Variants in CAMTA1 observed in about 807,000 individuals in gnomAD.
CAMTA1 encodes the protein calmodulin-binding transcription activator 1.
CAMTA1 carries 27 observed loss-of-function variants against 170.9 expected under a neutral mutation model. The observed-to-expected ratio is 0.16, with a 90% CI of 0.12 to 0.22. The LOEUF is 0.22. Among genes scored for constraint, CAMTA1 ranks in the 10% least tolerant of loss-of-function variants. The pLI, the probability that CAMTA1 is intolerant of heterozygous loss-of-function variation, is 1.00. For missense variants in CAMTA1, 1,619 were observed against 2,217.2 expected (o/e 0.73, Z 5.42); for synonymous variants, 833 against 891.5 (o/e 0.93, Z 1.17).
chr1:6,855,038 G>A (rs1166978336), intron 3 of CAMTA1, among the ~76,000 whole-genome samples: 2 of 152,244 alleles, frequency 1.3e-5, no homozygotes, highest in South Asian at 2.1e-4. Context: ...ATAGTACAGG[G>A]ATGAGAAAGG....
intron 6 of CAMTA1, among the ~76,000 whole-genome samples, chr1:7,581,620 C>G: frequency 6.6e-6 from 1 of 152,230 alleles, no homozygotes; most frequent in East Asian, 1.9e-4. Flanking sequence ...GAGGTGGGAC[C>G]GGCCAAGAGT....
chr1:6,924,808 A>G (rs1381478545), intron 3 of CAMTA1, among the ~76,000 whole-genome samples: 1 of 152,244 alleles, frequency 6.6e-6, no homozygotes, highest in Non-Finnish European at 1.5e-5. Context: ...GGAATCTAGC[A>G]CTTCGGAATT....
chr1:7,034,761 A>C (rs1372618922), intron 3 of CAMTA1, among the ~76,000 whole-genome samples: 1 of 152,114 alleles, frequency 6.6e-6, no homozygotes, highest in African/African-American at 2.4e-5. Context: ...TCACTCCCAG[A>C]TGTCTGATAT....
chr1:7,492,548 A>AACAC (rs1301505505), intron 6 of CAMTA1, among the ~76,000 whole-genome samples: 1 of 151,966 alleles, frequency 6.6e-6, no homozygotes, highest in Non-Finnish European at 1.5e-5. Flanking sequence ...TGAGGGCTTG[A>AACAC]ACACACACAC....
At chr1:7,182,732 T>G (rs1243560088) in intron 4 of CAMTA1, among the ~76,000 whole-genome samples, 2 of 152,166 alleles carry the variant, frequency 1.3e-5, no homozygotes, top group African/African-American at 4.8e-5. Context: ...TGTAAAGAGC[T>G]GTTATCATTG....
chr1:7,583,164 T>C (rs1161958093), intron 6 of CAMTA1, among the ~76,000 whole-genome samples: 1 of 151,780 alleles, frequency 6.6e-6, no homozygotes, highest in Admixed American at 6.6e-5. Flanking sequence ...CTAAAGGGGA[T>C]CCCTTCCCCA....
intron 3 of CAMTA1, among the ~76,000 whole-genome samples, chr1:6,914,675 G>A (rs921561849): frequency 3.3e-5 from 5 of 152,196 alleles, no homozygotes; most frequent in African/African-American, 1.2e-4. Flanking sequence ...CATGTACATG[G>A]TTGGGACAGA....
chr1:7,048,288 A>T (rs1432535352), intron 3 of CAMTA1, among the ~76,000 whole-genome samples: 6 of 152,184 alleles, frequency 3.9e-5, no homozygotes, highest in African/African-American at 1.2e-4. Context: ...CGTGGAAAAA[A>T]GGGGAAAAAG....
intron 5 of CAMTA1, among the ~76,000 whole-genome samples, chr1:7,413,236 C>G (rs1373534965): frequency 2.6e-5 from 4 of 152,132 alleles, no homozygotes; most frequent in Admixed American, 2.6e-4. Flanking sequence ...CTTGGTGATG[C>G]GGGCTCTTTT....
At chr1:7,705,874 C>T (rs1230952262) in intron 11 of CAMTA1, among the ~76,000 whole-genome samples, 1 of 152,186 alleles carries the variant, frequency 6.6e-6, no homozygotes, top group Non-Finnish European at 1.5e-5. Flanking sequence ...GACTGGCGAC[C>T]AGAGAGCACT....
intron 5 of CAMTA1, among the ~76,000 whole-genome samples, chr1:7,284,328 C>G (rs908408740): frequency 1.3e-5 from 2 of 151,790 alleles, no homozygotes; most frequent in Non-Finnish European, 2.9e-5. Context: ...CTCAGCCTCC[C>G]CAGTAGCTGA....
intron 5 of CAMTA1, among the ~76,000 whole-genome samples, chr1:7,406,760 G>A (rs976421765): frequency 6.6e-6 from 1 of 152,144 alleles, no homozygotes; most frequent in African/African-American, 2.4e-5. Flanking sequence ...CTACCCAGAA[G>A]CATTTGTGTC....
intron 11 of CAMTA1, among the ~76,000 whole-genome samples, chr1:7,707,506 G>A (rs1008879570): frequency 1.3e-5 from 2 of 152,074 alleles, no homozygotes; most frequent in Non-Finnish European, 2.9e-5. Context: ...CTCCTGGGTA[G>A]CTGGGACTAC....
rs964406912 is a variant in CAMTA1, at chr1:7,093,414, C to T, written c.302+2043C>T. Among the ~76,000 whole-genome samples the T allele has an allele frequency of 3.9e-5, 6 of 152,066 alleles. No individual in the cohort carries two copies. Among genetic ancestry groups the T allele is most frequent in the South Asian group, 2.1e-4 (1 of 4,820 alleles). On this transcript the variant is annotated intron_variant, in intron 4 of 22. Transcript: ENST00000303635. The surrounding 1 kb of genome is among the most constrained non-coding windows in gnomAD (Gnocchi z 4.6). ...AAGGGTGGCCCTTATCTCAAGCAGC[C>T]GCCAGCCTCTCCTTGCGCCCTTCAC...
intron 3 of CAMTA1, among the ~76,000 whole-genome samples, chr1:7,012,325 T>A (rs1699918432): frequency 6.6e-6 from 1 of 152,146 alleles, no homozygotes; most frequent in South Asian, 2.1e-4. Flanking sequence ...GAGAACTTCC[T>A]CCAGCTCCTC....
In CAMTA1 at chr1:7,746,622, G is replaced by A. The variant is rs536417378; in HGVS notation, c.4617+531G>A. On this transcript the variant is annotated intron_variant, in intron 18 of 22. Coordinates refer to ENST00000303635, the MANE Select transcript of CAMTA1 (RefSeq NM_015215.4). ...GCGGGAATGGGGCTTTTCCGGCACA[G>A]AACAATGCTGATTTTTCTTTTTCTT... Among the ~76,000 whole-genome samples the A allele has an allele frequency of 3.3e-5, 5 of 152,260 alleles. No individual in the cohort carries two copies. In the South Asian group the frequency reaches 1.0e-3, roughly 32 times the overall value.
intron 3 of CAMTA1, among the ~76,000 whole-genome samples, chr1:6,851,317 G>A (rs1660284093): frequency 6.6e-6 from 1 of 152,140 alleles, no homozygotes; most frequent in African/African-American, 2.4e-5. Context: ...GGGTTTAGCA[G>A]TACATTAGTA....
intron 6 of CAMTA1, among the ~76,000 whole-genome samples, chr1:7,530,078 C>A (rs914462667): frequency 1.2e-4 from 18 of 152,192 alleles, no homozygotes; most frequent in African/African-American, 4.3e-4. Flanking sequence ...TCGTCAGCTC[C>A]ACCCACAGCC....
At chr1:7,369,955 C>T (rs1296324405) in intron 5 of CAMTA1, 1 of 152,236 alleles carries the variant, frequency 6.6e-6, no homozygotes, top group Non-Finnish European at 1.5e-5. Flanking sequence ...GGGCTTATTC[C>T]CTGATAGACT....
Sources: gnomAD v4.1 joint callset for allele counts (sites outside exome capture counted in the v4.1 genomes callset) on GRCh38, gnomAD v4.1.1 for gene constraint, Gnocchi (gnomAD v3.1) non-coding constraint, MANE v1.5 for transcripts, NCBI Gene and HGNC (gene_info 2026-07-23, HGNC 2026-07-21) for gene names.